The following PRR5 variants were observed in gnomAD, a reference collection of about 807,000 sequenced individuals.
PRR5 encodes proline rich 5.
A neutral mutation model predicts 30.6 loss-of-function variants in PRR5; 25 were observed. The observed-to-expected ratio is 0.82, with a 90% confidence interval of 0.60 to 1.14. The LOEUF (loss-of-function observed/expected upper bound fraction) is 1.14, where lower values mean the gene tolerates loss of function less well. Among genes scored for constraint, PRR5 ranks in the 50% most tolerant of loss-of-function variants. PRR5 has a pLI of 0.00. For synonymous variants in PRR5, 286 were observed against 247.1 expected (o/e 1.16, Z -1.48); for missense variants, 600 against 547.1 (o/e 1.10, Z -0.96).
intron 4 of PRR5, chr22:44,729,648 C>G (rs954636114): frequency 3.0e-6 from 3 of 985,342 alleles, no homozygotes; most frequent in South Asian, 9.4e-5. Flanking sequence ...TCCGACTAAC[C>G]CTACTGCCCC....
rs371041259 is a variant in PRR5, at chr22:44,714,706, G to A, written c.215+35G>A. 1.7e-4 allele frequency: 281 copies of A among 1,611,346 alleles called. 1 individual carries two copies. Among genetic ancestry groups the A allele is most frequent in the Non-Finnish European group, 2.2e-4 (263 of 1,178,756 alleles). ...TGTCCCACCTTGGTCCAGGGTCCTT[G>A]AGTGGCAGGGAGGGCTAGGCCCAGA... On this transcript the variant is annotated intron_variant, in intron 2 of 7. Coordinates refer to ENST00000336985, the MANE Select transcript of PRR5 (RefSeq NM_181333.4).
chr22:44,691,291 C>T lies in PRR5; in HGVS notation c.-10-11201C>T, dbSNP rs1030748329. Among the ~76,000 whole-genome samples, 1 of 152,178 alleles carries T rather than the reference C, an allele frequency of 6.6e-6. No homozygotes were observed. The highest frequency in any genetic ancestry group is 1.9e-4 in the East Asian group (1 of 5,196). ...CCCTGCCCCTCACCAGCCTGTGACC[C>T]TGCAGGTGACGTCAGGACTCAGAAC... On this transcript the variant is annotated intron_variant, in intron 1 of 8. Coordinates refer to the PRR5 transcript ENST00000006251. The surrounding 1 kb of genome is among the most constrained non-coding windows in gnomAD (Gnocchi z 4.4).
Position 44,732,428 on chromosome 22 carries a change from G to A in PRR5, c.555+37G>A, listed in dbSNP as rs369874936. 342 of 1,584,222 alleles carry A rather than the reference G, an allele frequency of 2.2e-4. 1 individual carries two copies. Among genetic ancestry groups the A allele is most frequent in the Middle Eastern group, 1.1e-3 (5 of 4,520 alleles). On this transcript the variant is annotated intron_variant, in intron 6 of 7. Transcript: ENST00000336985. ...GGGCAGAGGGTCGGGCATGGGGACC[G>A]TGGGGCAGTAATTGGGCTCAGGTCC...
chr22:44,690,216 A>G (rs1488103035), intron 1 of PRR5, among the ~76,000 whole-genome samples: 1 of 152,072 alleles, frequency 6.6e-6, no homozygotes, highest in Non-Finnish European at 1.5e-5. Flanking sequence ...CCAGGAGAGG[A>G]AGCACCGGAT....
intron 2 of PRR5, among the ~76,000 whole-genome samples, chr22:44,722,215 A>G (rs1156788509): frequency 2.0e-5 from 3 of 152,248 alleles, no homozygotes; most frequent in Non-Finnish European, 4.4e-5. Flanking sequence ...GCTGCTGGCC[A>G]GGAGCAGGGC....
intron 1 of PRR5, among the ~76,000 whole-genome samples, chr22:44,670,454 C>T (rs1448727071): frequency 6.6e-6 from 1 of 152,230 alleles, no homozygotes; most frequent in Non-Finnish European, 1.5e-5. Context: ...GGTTACTCAC[C>T]TGAAAACTGG....
rs551117544 is a variant in PRR5 at position 44,732,543 on chromosome 22, G to C, written c.555+152G>C. ...AGAAGCCTGTCAGGGCCAGGGACCG[G>C]GGAGCAGCTGGTCAGAGCTGTGGGT... On this transcript the variant is annotated intron_variant, in intron 6 of 7. Transcript: ENST00000336985. The C allele has an allele frequency of 4.6e-5, 58 of 1,252,332 alleles. No individual in the cohort carries two copies. In the African/African-American group the frequency reaches 8.2e-4, roughly 18 times the overall value. 77.6% of individuals were successfully genotyped at this position (1,252,332 alleles called of 1,614,324 possible).
intron 6 of PRR5, among the ~76,000 whole-genome samples, chr22:44,733,704 C>A (rs111776148): frequency 1.3e-5 from 2 of 152,296 alleles, no homozygotes; most frequent in African/African-American, 4.8e-5. Flanking sequence ...ACTGCTCCTA[C>A]AGGCAGACAA....
chr22:44,695,360 C>G (rs886960801), intron 1 of PRR5, among the ~76,000 whole-genome samples: 21 of 152,100 alleles, frequency 1.4e-4, no homozygotes, highest in African/African-American at 4.6e-4. Context: ...AGATAATTGT[C>G]CCTGGCTACA....
chr22:44,719,365 A>C (rs1929589514), intron 2 of PRR5, among the ~76,000 whole-genome samples: 1 of 152,182 alleles, frequency 6.6e-6, no homozygotes, highest in Non-Finnish European at 1.5e-5. Context: ...GAGCCGCTGC[A>C]CCTGGCTGAG....
intron 1 of PRR5, among the ~76,000 whole-genome samples, chr22:44,688,859 A>G (rs188079735): frequency 4.0e-4 from 61 of 152,204 alleles, no homozygotes; most frequent in African/African-American, 9.2e-4. Context: ...ATGGTGGTGC[A>G]CGCCTGTGAT....
chr22:44,733,188 G>T (rs1602098948), intron 6 of PRR5, among the ~76,000 whole-genome samples: 1 of 152,238 alleles, frequency 6.6e-6, no homozygotes, highest in Non-Finnish European at 1.5e-5. Flanking sequence ...CCAGAAAGGA[G>T]TGGGGCCCCC....
At chr22:44,732,009 C>G (rs980125882) in intron 5 of PRR5, among the ~76,000 whole-genome samples, 188 bp downstream of exon 5, 2 of 152,230 alleles carry the variant, frequency 1.3e-5, no homozygotes, top group Non-Finnish European at 2.9e-5. Context: ...ATGGACGCCT[C>G]CCTCCCTGTG....
chr22:44,706,584 C>T (rs569989137), intron 1 of PRR5, among the ~76,000 whole-genome samples: 2 of 152,314 alleles, frequency 1.3e-5, no homozygotes, highest in East Asian at 3.9e-4. Context: ...GGCTGGAGTA[C>T]AGTGGCACAA....
intron 1 of PRR5, among the ~76,000 whole-genome samples, chr22:44,705,784 C>T (rs1927099203): frequency 6.6e-6 from 1 of 152,024 alleles, no homozygotes; most frequent in Non-Finnish European, 1.5e-5. Context: ...ACCACCATGC[C>T]CAGCTAATTT....
chr22:44,730,681 G>T, intron 4 of PRR5: 23 of 1,020,742 alleles, frequency 2.3e-5, no homozygotes, highest in South Asian at 3.1e-5. Flanking sequence ...CAGCTTGGAT[G>T]CTCTTCCTCC....
rs16992627 is a variant in PRR5, at chr22:44,706,958, C to T, written c.134+4350C>T. On this transcript the variant is annotated intron_variant, in intron 1 of 7. Transcript: ENST00000336985. The stretch of plus-strand genomic sequence containing the variant: ...CTCCTTATTTATTGGTCAGGTTTTG[C>T]CCCTAGCCTGTGACAGATCTGCCTC... Among the ~76,000 whole-genome samples, 1,048 of 152,312 alleles carry T rather than the reference C, an allele frequency of 6.9e-3. 15 individuals are homozygous for T. The highest frequency in any genetic ancestry group is 0.024 in the African/African-American group (1,008 of 41,550).
intron 1 of PRR5, among the ~76,000 whole-genome samples, chr22:44,703,462 G>A (rs906706471): frequency 1.3e-5 from 2 of 152,134 alleles, no homozygotes; most frequent in African/African-American, 4.8e-5. Context: ...GCTGTCACTT[G>A]GACACACGTT....
At chr22:44,719,926 C>T (rs1358675967) in intron 2 of PRR5, among the ~76,000 whole-genome samples, 1 of 152,236 alleles carries the variant, frequency 6.6e-6, no homozygotes, top group African/African-American at 2.4e-5. Context: ...GCAGACCCTT[C>T]CCACAGCTGT....
Sources: gnomAD v4.1 joint callset for allele counts (sites outside exome capture counted in the v4.1 genomes callset) on GRCh38, gnomAD v4.1.1 for gene constraint, Gnocchi (gnomAD v3.1) non-coding constraint, MANE v1.5 for transcripts, NCBI Gene and HGNC (gene_info 2026-07-23, HGNC 2026-07-21) for gene names.